PLA2G4A: variants seen among roughly 807,000 people sequenced by gnomAD.
PLA2G4A encodes the protein phospholipase A2 group IVA.
In PLA2G4A, 40 loss-of-function variants were observed where a neutral mutation model predicts 81.9. The observed-to-expected ratio is 0.49, with a 90% CI of 0.38 to 0.64. PLA2G4A has a LOEUF of 0.64. Ranked by LOEUF, PLA2G4A falls within the 30% of genes least tolerant of loss-of-function variation. PLA2G4A has a pLI of 0.00. For missense variants in PLA2G4A, 715 were observed against 905.1 expected (o/e 0.79, Z 2.69); for synonymous variants, 302 against 296.9 (o/e 1.02, Z -0.18).
intron 5 of PLA2G4A, among the ~76,000 whole-genome samples, chr1:186,899,159 G>C (rs912249557): frequency 2.0e-5 from 3 of 152,198 alleles, no homozygotes; most frequent in African/African-American, 7.2e-5. Context: ...GTGTAAAGGG[G>C]TCACAAAGGC....
At chr1:186,955,686 A>G (rs1656720124) in intron 13 of PLA2G4A, among the ~76,000 whole-genome samples, 1 of 151,688 alleles carries the variant, frequency 6.6e-6, no homozygotes, top group East Asian at 1.9e-4. Flanking sequence ...TAAACCAAAT[A>G]TAGAGCTTTA....
chr1:186,881,664 T>C (rs1488787001), intron 3 of PLA2G4A, among the ~76,000 whole-genome samples: 3 of 152,014 alleles, frequency 2.0e-5, no homozygotes, highest in Non-Finnish European at 2.9e-5. Flanking sequence ...TACTTACAAA[T>C]AAAGGTTAAT....
intron 7 of PLA2G4A, among the ~76,000 whole-genome samples, chr1:186,914,135 G>A (rs1309561403): frequency 6.6e-6 from 1 of 151,908 alleles, no homozygotes; most frequent in Non-Finnish European, 1.5e-5. Flanking sequence ...TGTTGCCCAG[G>A]CAGGAGTGCA....
chr1:186,884,099 G>A (rs777078256), intron 3 of PLA2G4A, among the ~76,000 whole-genome samples: 5 of 152,108 alleles, frequency 3.3e-5, no homozygotes, highest in South Asian at 4.2e-4. Flanking sequence ...AGAAATATCC[G>A]AGAGAAGCGG....
intron 7 of PLA2G4A, among the ~76,000 whole-genome samples, chr1:186,912,941 ATTAC>A (rs566055522): frequency 3.5e-4 from 53 of 150,516 alleles, no homozygotes; most frequent in Admixed American, 2.9e-3. Context: ...AAGGATTAAA[ATTAC>A]TTAATTTAAA....
chr1:186,976,765 T>C lies in PLA2G4A; in HGVS notation c.1765-828T>C, dbSNP rs1014147337. ...ATGTTCTCCAGTTTAAATTTAATTT[T>C]GGGGGTGCTTACCCCAGTGAGTTAG... On this transcript the variant is annotated intron_variant, in intron 15 of 17. Transcript: ENST00000367466. 2.0e-5 allele frequency among the ~76,000 whole-genome samples: 3 copies of C among 152,368 alleles called. No homozygotes were observed. In the East Asian group the frequency reaches 5.8e-4, roughly 29 times the overall value.
At chr1:186,910,516 T>C (rs536580863) in intron 6 of PLA2G4A, among the ~76,000 whole-genome samples, 1 of 152,252 alleles carries the variant, frequency 6.6e-6, no homozygotes. Flanking sequence ...GTTTTCTAAT[T>C]TATAAAGCTG....
chr1:186,924,246 ATTCTCTCCTCCCTTCTGCTCTAT>A (rs1468109778), intron 7 of PLA2G4A, among the ~76,000 whole-genome samples: 3 of 152,070 alleles, frequency 2.0e-5, no homozygotes. Flanking sequence ...TGGATTCTGT[ATTCTCTCCTCCCTTCTGCTCTAT>A]TTCTCTCCTT....
chr1:186,830,955 TTG>T (rs57951345), intron 1 of PLA2G4A, among the ~76,000 whole-genome samples: 1,213 of 44,870 alleles, frequency 0.027, 12 homozygotes, highest in East Asian at 0.063. Context: ...GCTTGCTTGC[TTG>T]CTTTCTTTCT....
intron 6 of PLA2G4A, among the ~76,000 whole-genome samples, chr1:186,910,547 T>C (rs1292046973): frequency 2.6e-5 from 4 of 152,144 alleles, no homozygotes; most frequent in African/African-American, 7.2e-5. Flanking sequence ...TAATATATTG[T>C]ATAATAATAT....
chr1:186,937,253 AAG>A (rs58594192), intron 8 of PLA2G4A, among the ~76,000 whole-genome samples: 1,966 of 149,176 alleles, frequency 0.013, 46 homozygotes, highest in African/African-American at 0.044. Flanking sequence ...GAGACGGGAA[AAG>A]AGAGAGAGAG....
At chr1:186,951,776 G>A (rs1656569991) in intron 13 of PLA2G4A, among the ~76,000 whole-genome samples, 1 of 152,144 alleles carries the variant, frequency 6.6e-6, no homozygotes, top group Admixed American at 6.5e-5. Context: ...CCATGGCTTG[G>A]CTAGTGTATG....
intron 8 of PLA2G4A, among the ~76,000 whole-genome samples, chr1:186,934,924 A>G (rs1655887171): frequency 6.6e-6 from 1 of 151,960 alleles, no homozygotes; most frequent in African/African-American, 2.4e-5. Flanking sequence ...CTTTTGGTCC[A>G]TTATATCCAT....
intron 1 of PLA2G4A, among the ~76,000 whole-genome samples, chr1:186,833,784 T>A (rs1651680581): frequency 6.6e-6 from 1 of 152,230 alleles, no homozygotes; most frequent in African/African-American, 2.4e-5. Flanking sequence ...ATGCTCACCA[T>A]AAGCAGATTT....
intron 10 of PLA2G4A, among the ~76,000 whole-genome samples, chr1:186,944,301 G>A (rs1471519207): frequency 2.6e-5 from 4 of 152,208 alleles, no homozygotes; most frequent in Admixed American, 6.6e-5. Context: ...AACTAACACC[G>A]TGAGTTCTTC....
Position 186,956,161 on chromosome 1 carries a change from C to T in PLA2G4A, c.1396C>T (p.His466Tyr), listed in dbSNP as rs578200626. ...AAGTGATAATCAAGCAAGTTGGATTCATCGTATGATAATGGCCTTGGTGAG... is the reference window on the plus strand; with the variant it reads ...AAGTGATAATCAAGCAAGTTGGATTTATCGTATGATAATGGCCTTGGTGAG... ...YQSDNQASWI[H>Y]RMIMALVSDS... The change falls in exon 14 of 18, where the codon CAT becomes TAT. Residue 466 changes from histidine (H) to tyrosine (Y), a missense_variant. Physicochemically the swap from His to Tyr is moderately conservative, Grantham distance 83. Coordinates refer to ENST00000367466, the MANE Select transcript of PLA2G4A (RefSeq NM_024420.3). 3 of 1,612,772 alleles carry T rather than the reference C, an allele frequency of 1.9e-6. No homozygotes were observed. The African/African-American group carries it at 4.0e-5, about 22-fold the overall frequency.
At chr1:186,891,087 C>T (rs1654119758) in intron 3 of PLA2G4A, among the ~76,000 whole-genome samples, 1 of 152,028 alleles carries the variant, frequency 6.6e-6, no homozygotes, top group African/African-American at 2.4e-5. Flanking sequence ...ATTTTTCTAA[C>T]ATTGACAAAT....
chr1:186,917,082 G>A (rs1047433015), intron 7 of PLA2G4A, among the ~76,000 whole-genome samples: 7 of 145,774 alleles, frequency 4.8e-5, no homozygotes, highest in Admixed American at 2.0e-4. Context: ...ATCCAGGGTG[G>A]GATTCCTTCT....
At position 186,939,134 on chromosome 1, in the gene PLA2G4A, A is replaced by G; in HGVS notation, c.822A>G (p.Arg274=). The part of the protein sequence containing the change: ...LLLLTPQKVK[R]YVESLWKKKS... ...TTCTCACACCACAGAAAGTTAAAAG[A>G]TATGTTGAGTCTTTATGGAAGAAGA... The change falls in exon 9 of 18, where the codon AGA becomes AGG. Residue 274 remains arginine (R), a synonymous_variant. Coordinates refer to ENST00000367466, the MANE Select transcript of PLA2G4A (RefSeq NM_024420.3). 1 of 1,608,926 alleles carries G rather than the reference A, an allele frequency of 6.2e-7. No individual in the cohort carries two copies. Among genetic ancestry groups the G allele is most frequent in the Non-Finnish European group, 8.5e-7 (1 of 1,175,370 alleles).
Sources: gnomAD v4.1 joint callset for allele counts (sites outside exome capture counted in the v4.1 genomes callset) on GRCh38, gnomAD v4.1.1 for gene constraint, MANE v1.5 for transcripts, NCBI Gene and HGNC (gene_info 2026-07-23, HGNC 2026-07-21) for gene names.